MRTFB: variants seen among roughly 807,000 people sequenced by gnomAD.
MRTFB encodes myocardin-related transcription factor B.
In MRTFB, 29 loss-of-function variants were observed where a neutral mutation model predicts 104.2. That is an observed-to-expected ratio of 0.28 (90% CI 0.21 to 0.38). The LOEUF (loss-of-function observed/expected upper bound fraction) is 0.38, where lower values mean the gene tolerates loss of function less well. MRTFB is among the 10% of genes least tolerant of loss of function. The pLI, the probability that MRTFB is intolerant of heterozygous loss-of-function variation, is 1.00. For synonymous variants in MRTFB, 535 were observed against 519.5 expected, an observed-to-expected ratio of 1.03 and a Z score of -0.41; for missense variants, 1,270 against 1,341.6, an observed-to-expected ratio of 0.95 and a Z score of 0.83.
At chr16:14,092,285 A>T (rs1206493364) in intron 2 of MRTFB, among the ~76,000 whole-genome samples, 1 of 152,140 alleles carries the variant, frequency 6.6e-6, no homozygotes, top group Non-Finnish European at 1.5e-5. Context: ...TACTTGGCGC[A>T]TAGTGGGTGT....
At chr16:14,219,420 T>C (rs544159129) in intron 8 of MRTFB, among the ~76,000 whole-genome samples, 2 of 152,360 alleles carry the variant, frequency 1.3e-5, no homozygotes, top group Admixed American at 1.3e-4. Context: ...ATAATAATTC[T>C]TGTGCTGTAC....
At chr16:14,112,694 G>A (rs902651918) in intron 2 of MRTFB, among the ~76,000 whole-genome samples, 4 of 152,202 alleles carry the variant, frequency 2.6e-5, no homozygotes, top group Non-Finnish European at 5.9e-5. Context: ...TCCAGGCACT[G>A]GCCTGCTTGG....
At chr16:14,164,541 A>G (rs746989364) in intron 3 of MRTFB, among the ~76,000 whole-genome samples, 1 of 152,020 alleles carries the variant, frequency 6.6e-6, no homozygotes, top group Non-Finnish European at 1.5e-5. Flanking sequence ...TATCTTTGCT[A>G]TTGTGATTAG....
Position 14,177,903 on chromosome 16 carries a change from GGTGTGTGT to G in MRTFB, c.155-32314_155-32307del, listed in dbSNP as rs142062484. Among the ~76,000 whole-genome samples, 71 of 146,074 alleles carry G rather than the reference GGTGTGTGT, an allele frequency of 4.9e-4. No homozygotes were observed. The highest frequency in any genetic ancestry group is 5.3e-4 in the Non-Finnish European group (35 of 65,838). ...CGAGAAGTACATGAACCAGAGGTAGGGTGTGTGTGTGTGTGTGTGTGTGTGTGTGTGTG... is the reference window on the plus strand; with the variant it reads ...CGAGAAGTACATGAACCAGAGGTAGGGTGTGTGTGTGTGTGTGTGTGTGTG... On this transcript the variant is annotated intron_variant, in intron 3 of 16. Coordinates refer to ENST00000571589, the MANE Select transcript of MRTFB (RefSeq NM_001308142.2). The surrounding 1 kb of genome is among the most constrained non-coding windows in gnomAD (Gnocchi z 4.7).
At chr16:14,231,207 A>G (rs1597324016) in intron 8 of MRTFB, among the ~76,000 whole-genome samples, 1 of 151,876 alleles carries the variant, frequency 6.6e-6, no homozygotes, top group East Asian at 1.9e-4. Flanking sequence ...TGGGTGCAGC[A>G]CACCAACATG....
At chr16:14,045,981 A>G in the MRTFB span, among the ~76,000 whole-genome samples, 1 of 152,216 alleles carries the variant, frequency 6.6e-6, no homozygotes, top group Admixed American at 6.5e-5. Context: ...ATTAGCTAGT[A>G]GCAGTAGTGT....
intron 2 of MRTFB, among the ~76,000 whole-genome samples, chr16:14,097,998 G>C (rs1274114668): frequency 6.6e-6 from 1 of 152,142 alleles, no homozygotes; most frequent in Non-Finnish European, 1.5e-5. Flanking sequence ...TTGTTGATGT[G>C]TTTACTGTTG....
chr16:14,174,489 C>T (rs2039520245), intron 3 of MRTFB, among the ~76,000 whole-genome samples: 2 of 152,038 alleles, frequency 1.3e-5, no homozygotes, highest in African/African-American at 4.8e-5. Context: ...TTGAGACTAG[C>T]CTGGCCAACA....
chr16:14,057,488 C>T, the MRTFB span, among the ~76,000 whole-genome samples: 1 of 152,156 alleles, frequency 6.6e-6, no homozygotes, highest in South Asian at 2.1e-4. Flanking sequence ...TTTCACAGAC[C>T]CTGTGAATTT....
intron 8 of MRTFB, among the ~76,000 whole-genome samples, chr16:14,231,736 T>C (rs2042277927): frequency 6.6e-6 from 1 of 152,218 alleles, no homozygotes; most frequent in Non-Finnish European, 1.5e-5. Flanking sequence ...TCAAAATTAC[T>C]CACACTTAGA....
At chr16:14,231,319 AG>A (rs2042255841) in intron 8 of MRTFB, among the ~76,000 whole-genome samples, 1 of 150,544 alleles carries the variant, frequency 6.6e-6, no homozygotes, top group Admixed American at 6.6e-5. Context: ...AATTAAAAAA[AG>A]ATTCTGACAT....
At chr16:14,097,229 G>GT (rs2035429728) in intron 2 of MRTFB, among the ~76,000 whole-genome samples, 1 of 152,160 alleles carries the variant, frequency 6.6e-6, no homozygotes, top group South Asian at 2.1e-4. Context: ...TGCAATAAAC[G>GT]TTTGAGTTAA....
rs1368489279 is a variant in MRTFB at position 14,152,130 on chromosome 16, G to A, written c.154+11370G>A. On this transcript the variant is annotated intron_variant, in intron 3 of 16. Transcript: ENST00000571589. ...AAGTAATAAAACAGTTATTTGTAAT[G>A]TTTAAAGAGATTTTGTGTTCTGAGT... is the stretch of plus-strand genomic sequence containing the variant. 4 of 152,100 alleles carry A rather than the reference G, an allele frequency of 2.6e-5. No homozygotes were observed. The South Asian group carries it at 8.3e-4, about 31-fold the overall frequency. 9.4% of individuals were successfully genotyped at this position (152,100 alleles called of 1,614,324 possible).
intron 2 of MRTFB, among the ~76,000 whole-genome samples, chr16:14,134,807 G>A (rs2037626469): frequency 6.6e-6 from 1 of 152,076 alleles, no homozygotes; most frequent in Non-Finnish European, 1.5e-5. Context: ...GGGCAGGAAT[G>A]TGAGCTCTGA....
chr16:14,102,633 G>A lies in MRTFB; in HGVS notation c.-64+23279G>A, dbSNP rs564549423. Among the ~76,000 whole-genome samples the A allele has an allele frequency of 8.0e-4, 122 of 152,288 alleles. 1 individual carries two copies. Among genetic ancestry groups the A allele is most frequent in the Non-Finnish European group, 1.4e-3 (96 of 68,030 alleles). On this transcript the variant is annotated intron_variant, in intron 2 of 16. Transcript: ENST00000571589. ...TATTATTTATTCTAATTAAACAAATGCAACTGAATTTCCATGTGTTTATAC... is the reference window on the plus strand; with the variant it reads ...TATTATTTATTCTAATTAAACAAATACAACTGAATTTCCATGTGTTTATAC...
intron 3 of MRTFB, among the ~76,000 whole-genome samples, chr16:14,171,521 C>T (rs2039422273): frequency 6.6e-6 from 1 of 151,450 alleles, no homozygotes; most frequent in African/African-American, 2.4e-5. Context: ...AATACATTTA[C>T]ACACATCTCT....
In MRTFB at chr16:14,262,756, C is replaced by G. The variant is rs927560124; in HGVS notation, c.*1312C>G. On this transcript the variant is annotated 3_prime_UTR_variant, in exon 17 of 17. Transcript: ENST00000571589. ...AATGCCAACTATCACAGGATTATTTCAAGCTAGTCATTGAGGTATATGACA... is the reference window on the plus strand; with the variant it reads ...AATGCCAACTATCACAGGATTATTTGAAGCTAGTCATTGAGGTATATGACA... The G allele has an allele frequency of 3.3e-5, 5 of 152,228 alleles. No individual in the cohort carries two copies. Among genetic ancestry groups the G allele is most frequent in the African/African-American group, 1.2e-4 (5 of 41,462 alleles). 9.4% of individuals were successfully genotyped at this position (152,228 alleles called of 1,614,324 possible).
chr16:14,097,477 T>C (rs575881549), intron 2 of MRTFB, among the ~76,000 whole-genome samples: 24 of 152,222 alleles, frequency 1.6e-4, no homozygotes, highest in Non-Finnish European at 2.8e-4. Context: ...TTACAGCAAT[T>C]GGTTTGCAAT....
intron 10 of MRTFB, among the ~76,000 whole-genome samples, chr16:14,243,756 C>T (rs1265373267): frequency 1.3e-5 from 2 of 152,018 alleles, no homozygotes; most frequent in Non-Finnish European, 2.9e-5. Flanking sequence ...ACTCCTGTAT[C>T]CAATACCCAA....
Sources: allele counts gnomAD v4.1 joint callset (sites outside exome capture counted in the v4.1 genomes callset), GRCh38; gene constraint gnomAD v4.1.1; non-coding constraint Gnocchi (gnomAD v3.1); transcripts MANE v1.5; gene names NCBI Gene and HGNC (gene_info 2026-07-23, HGNC 2026-07-21).